The following HERC2 variants were observed in gnomAD, a reference collection of about 807,000 sequenced individuals.
HERC2 encodes the protein HECT and RLD domain containing E3 ubiquitin protein ligase 2.
HERC2 carries 102 observed loss-of-function variants against 537.7 expected under a neutral mutation model. The observed-to-expected ratio is 0.19, with a 90% CI of 0.16 to 0.22. HERC2 has a LOEUF of 0.22. HERC2 is among the 10% of genes least tolerant of loss of function. The pLI is 1.00. For synonymous variants in HERC2, 2,224 were observed against 2,466.2 expected (o/e 0.90, Z 2.91); for missense variants, 4,236 against 6,198.2 (o/e 0.68, Z 10.63).
Position 28,229,444 on chromosome 15 carries a change from T to A in HERC2, c.5120+16A>T. On this transcript the variant is annotated intron_variant, in intron 33 of 92. Transcript: ENST00000261609. ...ATAGCTACCTTAATTAAGAAAAAAA[T>A]ATGCTAACGTTTTACCCTATATCGA... 1.2e-6 allele frequency: 2 copies of A among 1,613,594 alleles called. No individual in the cohort carries two copies. Among genetic ancestry groups the A allele is most frequent in the Non-Finnish European group, 1.7e-6 (2 of 1,179,590 alleles).
chr15:28,319,915 C>T (rs997674411), intron 2 of HERC2, among the ~76,000 whole-genome samples: 38 of 152,310 alleles, frequency 2.5e-4, no homozygotes, highest in Admixed American at 2.2e-3. Context: ...TTGCCTGAAT[C>T]TCAGGATTTC....
At chr15:28,274,826 T>C (rs2075827974) in intron 6 of HERC2, 79 bp downstream of exon 6, 19 of 1,088,162 alleles carry the variant, frequency 1.7e-5, no homozygotes, top group South Asian at 7.7e-5. Context: ...AAAGGGCACA[T>C]GGTGGCTGAA....
chr15:28,259,958 A>G (rs2140921838), intron 16 of HERC2, among the ~76,000 whole-genome samples: 1 of 136,814 alleles, frequency 7.3e-6, no homozygotes, highest in East Asian at 2.3e-4. Flanking sequence ...ACAGAGTGAG[A>G]CTCCATCTGG....
chr15:28,130,354 A>G, intron 82 of HERC2, 52 bp from the exon 83 acceptor site: 1 of 1,611,568 alleles, frequency 6.2e-7, no homozygotes, highest in Non-Finnish European at 8.5e-7. Flanking sequence ...CTCACTGACC[A>G]CCCTGACCAG....
In HERC2 at chr15:28,202,214, A is replaced by G. The variant is rs201171990; in HGVS notation, c.7516T>C (p.Ser2506Pro). 2.2e-4 allele frequency: 357 copies of G among 1,606,882 alleles called. 1 individual carries two copies. The highest frequency in any genetic ancestry group is 4.9e-5 in the Non-Finnish European group (58 of 1,174,370). Reference protein sequence around the residue: ...EALVGWLLDHSDIQVTELSDA... With the variant: ...EALVGWLLDHPDIQVTELSDA... ...GAGAGCTCCGTGACCTGTATGTCGG[A>G]GTGGTCCAGCAGCCACCCGACCAAG... is the stretch of plus-strand genomic sequence containing the variant. The change falls in exon 47 of 93, where the codon TCC (serine) becomes CCC (proline). Residue 2506 changes from serine (S) to proline (P), a missense_variant. By Grantham distance (74) the Ser-to-Pro change is moderately conservative. This residue lies in a region of HERC2 where 606 missense variants were observed against 884.5 expected (regional missense o/e 0.69). Transcript: ENST00000261609.
Position 28,245,938 on chromosome 15 carries a change from G to A in HERC2, c.3520C>T (p.Leu1174=). The part of the protein sequence containing the change: ...LLEHLDRFNH[L]APGKERDDHE... ...TCATCCCGTTCCTTTCCTGGTGCCA[G>A]ATGGTTGAACCGATCCAGATGTTCC... The change falls in exon 23 of 93, where the codon CTG becomes TTG. Residue 1174 remains leucine, a synonymous_variant. Coordinates refer to ENST00000261609, the MANE Select transcript of HERC2 (RefSeq NM_004667.6). 6 of 1,614,132 alleles carry A rather than the reference G, an allele frequency of 3.7e-6. No individual in the cohort carries two copies. Among genetic ancestry groups the A allele is most frequent in the Non-Finnish European group, 5.1e-6 (6 of 1,180,004 alleles).
chr15:28,233,728 G>A lies in HERC2; in HGVS notation c.4287C>T (p.Pro1429=), dbSNP rs747285095. 45 of 1,612,944 alleles carry A rather than the reference G, an allele frequency of 2.8e-5. No individual in the cohort carries two copies. Among genetic ancestry groups the A allele is most frequent in the East Asian group, 4.5e-5 (2 of 44,888 alleles). Residue 1429 remains proline, a synonymous_variant, in exon 28 of 93, where the codon CCC becomes CCT. Transcript: ENST00000261609. ...GACCGACCTCTTCCACGGGATGCTC[G>A]GGGGGAAACATGATCGGTGTGGTCA... The part of the protein sequence containing the change: ...CHLTTPIMFP[P]EHPVEEVGRL...
intron 38 of HERC2, among the ~76,000 whole-genome samples, chr15:28,216,992 A>T (rs1268821083): frequency 1.3e-5 from 2 of 152,060 alleles, no homozygotes; most frequent in African/African-American, 4.8e-5. Flanking sequence ...CACTGACACA[A>T]GCAAAATGCT....
At chr15:28,306,994 C>A (rs1043821492) in intron 2 of HERC2, among the ~76,000 whole-genome samples, 2 of 152,168 alleles carry the variant, frequency 1.3e-5, no homozygotes, top group African/African-American at 4.8e-5. Flanking sequence ...AAAACCACAC[C>A]TGGTTAATTT....
rs765571628 is a variant in HERC2 at position 28,214,790 on chromosome 15, G to A, written c.6223C>T (p.His2075Tyr). Reference protein sequence around the residue: ...TSLQRQILAVHLLQAVLPSWD... With the variant: ...TSLQRQILAVYLLQAVLPSWD... ...GATGGAAGGACTGCTTGCAACAAAT[G>A]CACAGCTAAGATCTGATAAAAGAAA... The change falls in exon 40 of 93, where the codon CAT becomes TAT. Residue 2075 changes from histidine (H) to tyrosine (Y), a missense_variant. By Grantham distance (83) the His-to-Tyr change is moderately conservative. Around this residue, in one of 27 missense-constraint regions of HERC2, gnomAD observed 365 missense variants for 468.8 expected, o/e 0.78. Coordinates refer to ENST00000261609, the MANE Select transcript of HERC2 (RefSeq NM_004667.6). 1.2e-6 allele frequency: 2 copies of A among 1,611,358 alleles called. No homozygotes were observed. The highest frequency in any genetic ancestry group is 1.1e-5 in the South Asian group (1 of 90,972).
At chr15:28,304,400 C>T (rs187420014) in intron 2 of HERC2, among the ~76,000 whole-genome samples, 1,762 of 146,918 alleles carry the variant, frequency 0.012, 1 homozygote, top group African/African-American at 0.043. Context: ...TGGAGTCTTG[C>T]TCTGTAGCCC....
In HERC2 at chr15:28,175,544, G is replaced by A; in HGVS notation, c.9799C>T (p.Leu3267=). The A allele has an allele frequency of 6.2e-7, 1 of 1,613,582 alleles. No homozygotes were observed. The highest frequency in any genetic ancestry group is 8.5e-7 in the Non-Finnish European group (1 of 1,179,726). Residue 3267 remains leucine (L), a synonymous_variant, in exon 64 of 93, where the codon CTG becomes TTG. Coordinates refer to ENST00000261609, the MANE Select transcript of HERC2 (RefSeq NM_004667.6). ...GAGTCCGTGACCGCCAGGCAGTGCAGGGCCCCGACAGCCACATGCACGATC... is the reference window on the plus strand; with the variant it reads ...GAGTCCGTGACCGCCAGGCAGTGCAAGGCCCCGACAGCCACATGCACGATC... The part of the protein sequence containing the change: ...KKIVHVAVGA[L]HCLAVTDSGQ...
intron 35 of HERC2, among the ~76,000 whole-genome samples, chr15:28,224,244 T>C (rs1157129294): frequency 1.3e-5 from 2 of 149,462 alleles, no homozygotes; most frequent in African/African-American, 4.9e-5. Context: ...GGATTTCACT[T>C]TGTCGCCCAG....
chr15:28,129,995 G>C (rs964959761), intron 83 of HERC2, among the ~76,000 whole-genome samples, 168 bp downstream of exon 83: 2 of 151,930 alleles, frequency 1.3e-5, no homozygotes, highest in African/African-American at 4.8e-5. Context: ...GGCTGGTCTC[G>C]ATCTCTTGAC....
chr15:28,134,401 T>C (rs897568451), intron 79 of HERC2, among the ~76,000 whole-genome samples: 1 of 152,176 alleles, frequency 6.6e-6, no homozygotes, highest in African/African-American at 2.4e-5. Context: ...TAAACAATGT[T>C]TTCTGCAAAA....
intron 68 of HERC2, among the ~76,000 whole-genome samples, chr15:28,165,903 G>T (rs1894089097): frequency 6.6e-6 from 1 of 152,106 alleles, no homozygotes; most frequent in South Asian, 2.1e-4. Context: ...CACACAAAGG[G>T]CCCAGATCTT....
intron 2 of HERC2, among the ~76,000 whole-genome samples, chr15:28,309,282 G>A (rs575848238): frequency 1.7e-3 from 261 of 152,314 alleles, no homozygotes; most frequent in African/African-American, 5.6e-3. Context: ...ATCTATTAAT[G>A]TGTTAAGGCC....
chr15:28,172,690 T>TAA (rs1290451707), intron 65 of HERC2, among the ~76,000 whole-genome samples: 3 of 152,200 alleles, frequency 2.0e-5, no homozygotes, highest in Non-Finnish European at 4.4e-5. Flanking sequence ...AGAATCTTTA[T>TAA]AATCTTGAGG....
chr15:28,130,596 T>C lies in HERC2; in HGVS notation c.12571-2A>G. 1 of 1,608,548 alleles carries C rather than the reference T, an allele frequency of 6.2e-7. No individual in the cohort carries two copies. The highest frequency in any genetic ancestry group is 8.5e-7 in the Non-Finnish European group (1 of 1,175,006). On this transcript the variant is annotated splice_acceptor_variant, in intron 81 of 92. Transcript: ENST00000261609. LOFTEE classifies it high-confidence loss of function. Reference sequence around the variant, plus strand: ...TCCAAGACCAGTAAGAGAATCAATCTAGAGGGGGAAAAGGTTCAATTAGAC... The same window carrying C: ...TCCAAGACCAGTAAGAGAATCAATCCAGAGGGGGAAAAGGTTCAATTAGAC...
Sources: allele counts gnomAD v4.1 joint callset (sites outside exome capture counted in the v4.1 genomes callset), GRCh38; gene constraint gnomAD v4.1.1; regional missense constraint gnomAD v4.1.1; transcripts MANE v1.5; gene names NCBI Gene and HGNC (gene_info 2026-07-23, HGNC 2026-07-21).